The following ATP2B2 variants were observed in gnomAD, a reference collection of about 807,000 sequenced individuals.
ATP2B2 encodes plasma membrane calcium-transporting ATPase 2.
In ATP2B2, 15 loss-of-function variants were observed where a neutral mutation model predicts 120.0. The ratio of observed to expected loss-of-function variants is 0.12; its 90% CI spans 0.08 to 0.19. The LOEUF is 0.19. Among genes scored for constraint, ATP2B2 ranks in the 10% least tolerant of loss-of-function variants. The pLI is 1.00. For missense variants in ATP2B2, 1,045 were observed against 1,719.8 expected (o/e 0.61, Z 6.94); for synonymous variants, 694 against 700.3 (o/e 0.99, Z 0.14).
chr3:10,613,873 C>T (rs2069308957), intron 2 of ATP2B2, among the ~76,000 whole-genome samples: 1 of 152,058 alleles, frequency 6.6e-6, no homozygotes, highest in Non-Finnish European at 1.5e-5. Context: ...TCTGACCTCA[C>T]CTCTCACTTC....
At chr3:10,527,761 G>A (rs1416831380) in intron 3 of ATP2B2, among the ~76,000 whole-genome samples, 3 of 152,208 alleles carry the variant, frequency 2.0e-5, no homozygotes, top group Admixed American at 2.0e-4. Context: ...CAGAGATGGC[G>A]GTGAATCACC....
At chr3:10,457,199 G>A (rs2064296370) in intron 1 of ATP2B2, among the ~76,000 whole-genome samples, 1 of 152,062 alleles carries the variant, frequency 6.6e-6, no homozygotes, top group Non-Finnish European at 1.5e-5. Context: ...TGGCTAGTGT[G>A]ACTGTGCAGG....
At position 10,347,819 on chromosome 3, in the gene ATP2B2, T is replaced by C. The variant is rs374131513; in HGVS notation, c.2405-1682A>G. Among the ~76,000 whole-genome samples, 1 of 152,176 alleles carries C rather than the reference T, an allele frequency of 6.6e-6. No individual in the cohort carries two copies. The highest frequency in any genetic ancestry group is 1.5e-5 in the Non-Finnish European group (1 of 68,022). ...CTAGACGCCTCCCTGCCTCCAGTCC[T>C]GGGGTGGCCTGACTGTGTGCAGTCA... On this transcript the variant is annotated intron_variant, in intron 16 of 22. Coordinates refer to ENST00000360273, the MANE Select transcript of ATP2B2 (RefSeq NM_001001331.4). The surrounding 1 kb of genome is among the most constrained non-coding windows in gnomAD (Gnocchi z 5.2).
chr3:10,392,616 C>G (rs933492223), intron 5 of ATP2B2, among the ~76,000 whole-genome samples: 1 of 152,244 alleles, frequency 6.6e-6, no homozygotes, highest in Non-Finnish European at 1.5e-5. Flanking sequence ...TGGGACCTCA[C>G]TGTCCACAGT....
chr3:10,634,334 G>T (rs2125642939), intron 1 of ATP2B2, among the ~76,000 whole-genome samples: 1 of 152,292 alleles, frequency 6.6e-6, no homozygotes, highest in East Asian at 1.9e-4. Context: ...TGAGACCCTG[G>T]TTTCCATGGT....
At chr3:10,698,758 A>G (rs2071776139) in intron 1 of ATP2B2, among the ~76,000 whole-genome samples, 1 of 152,232 alleles carries the variant, frequency 6.6e-6, no homozygotes. Flanking sequence ...TGGAGTTGTG[A>G]AGAAGCCCAC....
intron 2 of ATP2B2, among the ~76,000 whole-genome samples, chr3:10,590,982 C>T (rs1448140319): frequency 2.0e-5 from 3 of 152,086 alleles, no homozygotes; most frequent in East Asian, 3.9e-4. Context: ...TTCTTGTCCC[C>T]GTGCCCTGTC....
chr3:10,695,753 T>C (rs1029877295), intron 1 of ATP2B2, among the ~76,000 whole-genome samples: 1 of 152,202 alleles, frequency 6.6e-6, no homozygotes, highest in Non-Finnish European at 1.5e-5. Flanking sequence ...AGCTGACCTG[T>C]AGATTTTTCA....
chr3:10,351,371 G>T (rs1305072738), intron 14 of ATP2B2, among the ~76,000 whole-genome samples: 1 of 152,204 alleles, frequency 6.6e-6, no homozygotes, highest in Non-Finnish European at 1.5e-5. Flanking sequence ...TTACCCGAGG[G>T]CAGTGACAAA....
chr3:10,633,824 C>T (rs2069942283), intron 1 of ATP2B2, among the ~76,000 whole-genome samples: 2 of 152,180 alleles, frequency 1.3e-5, no homozygotes, highest in South Asian at 4.1e-4. Context: ...TGGCTGTCCC[C>T]CCAACAGTTA....
Position 10,449,517 on chromosome 3 carries a change from A to G in ATP2B2, c.27T>C (p.Phe9=). The G allele has an allele frequency of 6.2e-7, 1 of 1,614,226 alleles. No homozygotes were observed. Among genetic ancestry groups the G allele is most frequent in the Non-Finnish European group, 8.5e-7 (1 of 1,180,038 alleles). Residue 9 remains phenylalanine (F), a synonymous_variant, in exon 2 of 23, where the codon TTT becomes TTC. Transcript: ENST00000360273. ...ACTCATTTCTTTGGTTTTTGGAGTAAAAGTCGCTGTTGGTCATGTCACCCA... is the reference window on the plus strand; with the variant it reads ...ACTCATTTCTTTGGTTTTTGGAGTAGAAGTCGCTGTTGGTCATGTCACCCA... MGDMTNSD[F]YSKNQRNESS...
At chr3:10,407,460 A>G (rs551743123) in intron 3 of ATP2B2, among the ~76,000 whole-genome samples, 1 of 152,118 alleles carries the variant, frequency 6.6e-6, no homozygotes, top group African/African-American at 2.4e-5. Flanking sequence ...TTCTGCTGAC[A>G]GGGCCGGCGT....
intron 2 of ATP2B2, among the ~76,000 whole-genome samples, chr3:10,420,448 G>A (rs1209001316): frequency 6.6e-6 from 1 of 150,796 alleles, no homozygotes; most frequent in African/African-American, 2.4e-5. Flanking sequence ...TGCAACCTCC[G>A]CCTCCCGGCT....
intron 3 of ATP2B2, among the ~76,000 whole-genome samples, chr3:10,529,025 C>CCCCA (rs2067156824): frequency 6.6e-6 from 1 of 152,226 alleles, no homozygotes; most frequent in African/African-American, 2.4e-5. Context: ...ACTGACCCCC[C>CCCCA]ACCTCTCTGG....
chr3:10,496,544 ATC>A (rs1255785230), intron 1 of ATP2B2, among the ~76,000 whole-genome samples: 3 of 152,000 alleles, frequency 2.0e-5, no homozygotes, highest in African/African-American at 7.3e-5. Flanking sequence ...ACGCTTGTTT[ATC>A]TCTTTCTCTC....
At chr3:10,487,510 G>A (rs1347377329) in intron 1 of ATP2B2, among the ~76,000 whole-genome samples, 1 of 152,194 alleles carries the variant, frequency 6.6e-6, no homozygotes, top group Admixed American at 6.5e-5. Context: ...TCAGCATGAA[G>A]CCAGTGGGCC....
chr3:10,647,435 C>T (rs1345573328), intron 1 of ATP2B2, among the ~76,000 whole-genome samples: 1 of 152,148 alleles, frequency 6.6e-6, no homozygotes, highest in African/African-American at 2.4e-5. Context: ...CATCTAGGTT[C>T]AAAACTTGCC....
intron 2 of ATP2B2, among the ~76,000 whole-genome samples, chr3:10,614,741 G>GC (rs2069337394): frequency 6.6e-6 from 1 of 152,142 alleles, no homozygotes; most frequent in Non-Finnish European, 1.5e-5. Flanking sequence ...ATGGAAGCAG[G>GC]CCCACAGGAC....
intron 3 of ATP2B2, among the ~76,000 whole-genome samples, chr3:10,403,690 G>A (rs961122218): frequency 2.0e-5 from 3 of 152,226 alleles, no homozygotes; most frequent in Non-Finnish European, 4.4e-5. Flanking sequence ...TCCCCTCCAC[G>A]GGGGCCAGGT....
Sources: allele counts gnomAD v4.1 joint callset (sites outside exome capture counted in the v4.1 genomes callset), GRCh38; gene constraint gnomAD v4.1.1; non-coding constraint Gnocchi (gnomAD v3.1); transcripts MANE v1.5; gene names NCBI Gene and HGNC (gene_info 2026-07-23, HGNC 2026-07-21).